Variants in POU3F3 observed in about 807,000 individuals in gnomAD.
The protein encoded by POU3F3 is POU domain, class 3, transcription factor 3.
In POU3F3, 1 loss-of-function variant was observed where a neutral mutation model predicts 8.6. That is an observed-to-expected ratio of 0.12 (90% CI 0.04 to 0.55). The LOEUF (loss-of-function observed/expected upper bound fraction) is 0.55, where lower values mean the gene tolerates loss of function less well. Among genes scored for constraint, POU3F3 ranks in the 20% least tolerant of loss-of-function variants. The pLI, the probability that POU3F3 is intolerant of heterozygous loss-of-function variation, is 0.91. For synonymous variants in POU3F3, 418 were observed against 327.4 expected (o/e 1.28, Z -2.99); for missense variants, 577 against 690.7 (o/e 0.84, Z 1.84).
At chr2:104,881,654 T>C in the POU3F3 span, among the ~76,000 whole-genome samples, 6 of 152,336 alleles carry the variant, frequency 3.9e-5, no homozygotes, top group Non-Finnish European at 7.3e-5. Flanking sequence ...GACATAGACA[T>C]AGGTGTATCT....
At chr2:104,913,104 C>T in the POU3F3 span, among the ~76,000 whole-genome samples, 3 of 152,050 alleles carry the variant, frequency 2.0e-5, no homozygotes, top group Non-Finnish European at 4.4e-5. Flanking sequence ...GCAATTGAAA[C>T]GCAGCTTTGT....
At chr2:104,913,682 G>T in the POU3F3 span, among the ~76,000 whole-genome samples, 2 of 152,182 alleles carry the variant, frequency 1.3e-5, no homozygotes, top group African/African-American at 2.4e-5. Context: ...ACGATCTTCA[G>T]CATTGGCATT....
At chr2:104,878,487 C>A in the POU3F3 span, among the ~76,000 whole-genome samples, 1 of 152,206 alleles carries the variant, frequency 6.6e-6, no homozygotes, top group African/African-American at 2.4e-5. Flanking sequence ...TCTGCATATT[C>A]TCAATGGAAG....
the POU3F3 span, among the ~76,000 whole-genome samples, chr2:104,913,755 T>C: frequency 2.0e-5 from 3 of 152,244 alleles, no homozygotes; most frequent in Admixed American, 6.5e-5. Flanking sequence ...CTATGCACCC[T>C]GAACGTAGAG....
chr2:104,904,654 C>T, the POU3F3 span, among the ~76,000 whole-genome samples: 1 of 152,042 alleles, frequency 6.6e-6, no homozygotes, highest in East Asian at 1.9e-4. Flanking sequence ...TGGCATGGCA[C>T]ACACTTCTTT....
chr2:104,872,179 C>T, the POU3F3 span: 1 of 453,568 alleles, frequency 2.2e-6, no homozygotes, highest in African/African-American at 2.0e-5. The surrounding 1 kb of genome is among the most constrained non-coding windows in gnomAD (Gnocchi z 4.6). Flanking sequence ...GCCCTGCGCC[C>T]GCCGGCTGCG....
chr2:104,868,196 G>C, the POU3F3 span: 2 of 454,970 alleles, frequency 4.4e-6, no homozygotes, highest in Admixed American at 2.4e-5. Flanking sequence ...TCCTACAGGC[G>C]TCTAGGAGTT....
At chr2:104,918,594 T>A in the POU3F3 span, among the ~76,000 whole-genome samples, 56,879 of 151,848 alleles carry the variant, frequency 0.37, 10,781 homozygotes, top group East Asian at 0.46. Context: ...GTGTGATGCC[T>A]CTACAAACCA....
At chr2:104,910,811 G>A in the POU3F3 span, among the ~76,000 whole-genome samples, 9 of 151,356 alleles carry the variant, frequency 5.9e-5, 1 homozygote, top group Non-Finnish European at 1.2e-4. Flanking sequence ...TGGATTAAAC[G>A]AACTATGGAT....
At chr2:104,922,196 T>C in the POU3F3 span, among the ~76,000 whole-genome samples, 1 of 152,010 alleles carries the variant, frequency 6.6e-6, no homozygotes, top group South Asian at 2.1e-4. Flanking sequence ...GGGGAGAATC[T>C]GATTACCGGA....
the POU3F3 span, among the ~76,000 whole-genome samples, chr2:104,922,782 G>A: frequency 6.6e-6 from 1 of 152,128 alleles, no homozygotes; most frequent in Non-Finnish European, 1.5e-5. Flanking sequence ...CAAATTTTAT[G>A]GAAGACATAA....
chr2:104,891,179 C>G, the POU3F3 span, among the ~76,000 whole-genome samples: 8 of 152,220 alleles, frequency 5.3e-5, no homozygotes, highest in Non-Finnish European at 1.2e-4. Context: ...ATTAGCTCCT[C>G]TTTCCATCCA....
chr2:104,914,816 C>T, the POU3F3 span, among the ~76,000 whole-genome samples: 1 of 152,134 alleles, frequency 6.6e-6, no homozygotes, highest in Admixed American at 6.5e-5. Context: ...AGATCTGACC[C>T]GGACAGTAGG....
chr2:104,860,513 T>G (rs745524385), downstream of POU3F3, among the ~76,000 whole-genome samples: 7 of 152,192 alleles, frequency 4.6e-5, no homozygotes, highest in Non-Finnish European at 1.0e-4. Flanking sequence ...AGTGCCCATT[T>G]GTTTCCTCCA....
the POU3F3 span, among the ~76,000 whole-genome samples, chr2:104,865,160 T>C: frequency 6.6e-6 from 1 of 152,244 alleles, no homozygotes; most frequent in East Asian, 1.9e-4. Flanking sequence ...ATTAGTTACC[T>C]GGCGAAACTG....
chr2:104,885,985 C>T, the POU3F3 span, among the ~76,000 whole-genome samples: 10 of 152,090 alleles, frequency 6.6e-5, no homozygotes, highest in East Asian at 3.9e-4. Context: ...TTAGTTGAGA[C>T]GGGGTTTCAC....
the POU3F3 span, among the ~76,000 whole-genome samples, chr2:104,907,982 T>C: frequency 6.6e-6 from 1 of 152,178 alleles, no homozygotes; most frequent in Admixed American, 6.5e-5. Context: ...TAAGAATGTA[T>C]GCACCTAGAC....
chr2:104,885,895 T>C, the POU3F3 span, among the ~76,000 whole-genome samples: 5 of 152,152 alleles, frequency 3.3e-5, no homozygotes, highest in South Asian at 6.2e-4. Context: ...CCTCCCAGGT[T>C]CAAGTGATTC....
chr2:104,896,811 A>T, the POU3F3 span, among the ~76,000 whole-genome samples: 2 of 152,212 alleles, frequency 1.3e-5, no homozygotes, highest in African/African-American at 2.4e-5. Flanking sequence ...CTGACGTGGG[A>T]TCACGATGGT....
Sources: allele counts gnomAD v4.1 joint callset (sites outside exome capture counted in the v4.1 genomes callset), GRCh38; gene constraint gnomAD v4.1.1; non-coding constraint Gnocchi (gnomAD v3.1); transcripts MANE v1.5; gene names NCBI Gene and HGNC (gene_info 2026-07-23, HGNC 2026-07-21).